Variants in SPMIP2 observed in about 807,000 individuals in gnomAD.
The protein encoded by SPMIP2 is sperm microtubule inner protein 2, also known as protein SPMIP2.
At chr4:158,959,850 T>C in the SPMIP2 span, among the ~76,000 whole-genome samples, 1 of 152,184 alleles carries the variant, frequency 6.6e-6, no homozygotes, top group East Asian at 1.9e-4. Flanking sequence ...TATGTGACTT[T>C]AGTAAGATTA....
the SPMIP2 span, among the ~76,000 whole-genome samples, chr4:159,016,975 C>T: frequency 1.3e-5 from 2 of 152,070 alleles, no homozygotes; most frequent in Non-Finnish European, 1.5e-5. Context: ...GGGAGGGGCC[C>T]GGGTGATTAG....
chr4:159,034,346 A>T, the SPMIP2 span, among the ~76,000 whole-genome samples: 3 of 152,334 alleles, frequency 2.0e-5, no homozygotes, highest in South Asian at 6.2e-4. Flanking sequence ...TTTATCAAGC[A>T]AATATGTCAA....
chr4:158,942,456 G>A, the SPMIP2 span, among the ~76,000 whole-genome samples: 2 of 152,066 alleles, frequency 1.3e-5, no homozygotes, highest in Admixed American at 6.6e-5. Flanking sequence ...ACCCAGCATC[G>A]AGCATTGTAT....
chr4:158,955,895 T>A, the SPMIP2 span, among the ~76,000 whole-genome samples: 1 of 152,250 alleles, frequency 6.6e-6, no homozygotes, highest in South Asian at 2.1e-4. Flanking sequence ...ATTTCTCATG[T>A]CATAGAGTGG....
chr4:158,934,329 G>A, the SPMIP2 span, among the ~76,000 whole-genome samples: 74 of 152,130 alleles, frequency 4.9e-4, no homozygotes, highest in Middle Eastern at 3.2e-3. Flanking sequence ...GGGCGTGGTG[G>A]TGGATGCCTA....
At chr4:159,026,194 C>G in the SPMIP2 span, 1 of 460,390 alleles carries the variant, frequency 2.2e-6, no homozygotes, top group East Asian at 4.9e-5. Flanking sequence ...CGTGAAGGAA[C>G]TAGGAGTGGG....
the SPMIP2 span, among the ~76,000 whole-genome samples, chr4:158,975,093 C>G: frequency 6.6e-6 from 1 of 152,196 alleles, no homozygotes; most frequent in Non-Finnish European, 1.5e-5. Flanking sequence ...TTGTTGGTCA[C>G]ATATATGTCT....
At chr4:158,907,615 C>T in the SPMIP2 span, 43 of 152,080 alleles carry the variant, frequency 2.8e-4, no homozygotes, top group Non-Finnish European at 5.1e-4. Flanking sequence ...TGGATTTTTC[C>T]GCTAATATGT....
At chr4:159,010,814 G>T in the SPMIP2 span, among the ~76,000 whole-genome samples, 6 of 152,038 alleles carry the variant, frequency 3.9e-5, no homozygotes, top group Admixed American at 3.9e-4. Context: ...ATTGCATAAT[G>T]TCTTACCTAT....
the SPMIP2 span, among the ~76,000 whole-genome samples, chr4:158,931,244 T>G: frequency 6.6e-6 from 1 of 152,220 alleles, no homozygotes; most frequent in Non-Finnish European, 1.5e-5. Flanking sequence ...TTTATTATAC[T>G]TCTCAACTCC....
At chr4:159,034,935 G>T in the SPMIP2 span, 2 of 840,594 alleles carry the variant, frequency 2.4e-6, no homozygotes, top group Admixed American at 2.7e-5. Context: ...AAACATATGT[G>T]ATCATTGCAT....
the SPMIP2 span, chr4:158,915,019 G>T: frequency 1.6e-6 from 1 of 635,086 alleles, no homozygotes. Context: ...ACATCACTGT[G>T]GCAATCCAGT....
At chr4:158,949,613 TCTGA>T in the SPMIP2 span, among the ~76,000 whole-genome samples, 3 of 152,194 alleles carry the variant, frequency 2.0e-5, no homozygotes, top group South Asian at 6.2e-4. Context: ...TTAAGTGATT[TCTGA>T]CTTTTTATTC....
At chr4:159,007,935 C>CT in the SPMIP2 span, 11 of 397,332 alleles carry the variant, frequency 2.8e-5, no homozygotes, top group African/African-American at 1.3e-4. Context: ...AGTAAAATGT[C>CT]TTTAAGAAAT....
the SPMIP2 span, among the ~76,000 whole-genome samples, chr4:158,897,449 C>T: frequency 5.9e-5 from 9 of 152,192 alleles, no homozygotes; most frequent in Non-Finnish European, 1.2e-4. Flanking sequence ...CTAATTTAGA[C>T]TCCCATCAAC....
chr4:158,899,535 A>G, the SPMIP2 span, among the ~76,000 whole-genome samples: 1 of 152,346 alleles, frequency 6.6e-6, no homozygotes, highest in African/African-American at 2.4e-5. Context: ...AGAACTTGTT[A>G]TCAGTCTATT....
the SPMIP2 span, among the ~76,000 whole-genome samples, chr4:158,939,911 C>T: frequency 2.6e-5 from 4 of 152,148 alleles, no homozygotes; most frequent in African/African-American, 4.8e-5. Flanking sequence ...AACATCTCCA[C>T]GATGTCATTT....
At chr4:158,900,375 A>T in the SPMIP2 span, among the ~76,000 whole-genome samples, 1 of 152,220 alleles carries the variant, frequency 6.6e-6, no homozygotes, top group Non-Finnish European at 1.5e-5. Context: ...TCCAGAGCTG[A>T]GTTCAAGTCC....
chr4:158,973,256 T>A, the SPMIP2 span: 2 of 1,613,876 alleles, frequency 1.2e-6, no homozygotes, highest in Non-Finnish European at 1.7e-6. Context: ...GCTGTTCTCC[T>A]ACATAGGAGG....
Sources: gnomAD v4.1 joint callset for allele counts (sites outside exome capture counted in the v4.1 genomes callset) on GRCh38, gnomAD v4.1.1 for gene constraint, MANE v1.5 for transcripts, NCBI Gene and HGNC (gene_info 2026-07-23, HGNC 2026-07-21) for gene names.